The following EMILIN2 variants were observed in gnomAD, a reference collection of about 807,000 sequenced individuals.
EMILIN2 encodes elastin microfibril interfacer 2.
A neutral mutation model predicts 87.1 loss-of-function variants in EMILIN2; 71 were observed. That is an observed-to-expected ratio of 0.82 (90% confidence interval 0.67 to 0.99). The LOEUF is 0.99. Ranked by LOEUF, EMILIN2 falls within the 50% of genes least tolerant of loss-of-function variation. EMILIN2 has a pLI of 0.00. For missense variants in EMILIN2, 1,407 were observed against 1,371.8 expected (o/e 1.03, Z -0.40); for synonymous variants, 581 against 563.4 (o/e 1.03, Z -0.44).
At chr18:2,869,726 C>T (rs76563715) in intron 2 of EMILIN2, among the ~76,000 whole-genome samples, 4,577 of 151,706 alleles carry the variant, frequency 0.03, 209 homozygotes, top group African/African-American at 0.1. Flanking sequence ...TGCCACTGCA[C>T]CTGGCTGTAG....
chr18:2,860,501 C>G (rs1019453944), intron 2 of EMILIN2, among the ~76,000 whole-genome samples: 2 of 152,034 alleles, frequency 1.3e-5, no homozygotes, highest in African/African-American at 4.8e-5. Context: ...GGTTTTTTGT[C>G]CTTGTGATAG....
Position 2,913,879 on chromosome 18 carries a change from G to A in EMILIN2, c.*475G>A, listed in dbSNP as rs887304873. ...GCCCGTGCCGCCGCACAGAGACCCC[G>A]ACTTTAGTTTGGGCTGTTCCACGCT... On this transcript the variant is annotated 3_prime_UTR_variant, in exon 8 of 8. Transcript: ENST00000254528. The A allele has an allele frequency of 1.9e-5, 3 of 158,750 alleles. No individual in the cohort carries two copies. Among genetic ancestry groups the A allele is most frequent in the Admixed American group, 5.9e-5 (1 of 16,848 alleles). 9.8% of individuals were successfully genotyped at this position (158,750 alleles called of 1,614,324 possible). A position where few individuals can be genotyped will look rare whatever the true frequency, so the allele number is the denominator to read the frequency against.
At chr18:2,889,685 T>C (rs1472136894) in intron 3 of EMILIN2, among the ~76,000 whole-genome samples, 12 of 139,300 alleles carry the variant, frequency 8.6e-5, no homozygotes, top group East Asian at 4.0e-4. Context: ...TCTTCTTTTT[T>C]TCTTTTCTTT....
intron 2 of EMILIN2, among the ~76,000 whole-genome samples, chr18:2,874,108 T>C (rs1487058295): frequency 1.6e-5 from 1 of 63,072 alleles, no homozygotes; most frequent in African/African-American, 7.0e-5. Flanking sequence ...GGAGAAAAGC[T>C]CCTCTTTCCT....
At chr18:2,905,953 C>T (rs889144414) in intron 4 of EMILIN2, among the ~76,000 whole-genome samples, 2 of 152,056 alleles carry the variant, frequency 1.3e-5, no homozygotes, top group Admixed American at 6.5e-5. Context: ...CAAAACTAGA[C>T]GGCAGGTCGG....
At position 2,907,080 on chromosome 18, in the gene EMILIN2, C is replaced by G; in HGVS notation, c.2657C>G (p.Ala886Gly). ...CCCGGCGCAGAAGGCTTCGCGGGCGCACCAGGTGAGGCCCGGGGCTGCGCG... is the reference window on the plus strand; with the variant it reads ...CCCGGCGCAGAAGGCTTCGCGGGCGGACCAGGTGAGGCCCGGGGCTGCGCG... The part of the protein sequence containing the change: ...TVPGAEGFAG[A>G]PGYPKSPPVA... Residue 886 changes from alanine to glycine, a missense_variant, in exon 5 of 8, where the codon GCA becomes GGA. Ala to Gly is a moderately conservative substitution (Grantham distance 60). Transcript: ENST00000254528. 1.6e-6 allele frequency: 2 copies of G among 1,252,002 alleles called. No homozygotes were observed. The highest frequency in any genetic ancestry group is 2.0e-6 in the Non-Finnish European group (2 of 1,000,544). 77.6% of individuals were successfully genotyped at this position (1,252,002 alleles called of 1,614,324 possible). A position where few individuals can be genotyped will look rare whatever the true frequency, so the allele number is the denominator to read the frequency against.
chr18:2,848,075 G>A lies in EMILIN2; in HGVS notation c.257+144G>A, dbSNP rs1384334503. 16 of 1,145,192 alleles carry A rather than the reference G, an allele frequency of 1.4e-5. No homozygotes were observed. Among genetic ancestry groups the A allele is most frequent in the Non-Finnish European group, 1.7e-5 (14 of 840,178 alleles). 70.9% of individuals were successfully genotyped at this position (1,145,192 alleles called of 1,614,324 possible). ...AGCCCGCAGCGGAAAAGCGCTCCGAGCGCTCGCGGGGCACCGGCCACGCTG... is the reference window on the plus strand; with the variant it reads ...AGCCCGCAGCGGAAAAGCGCTCCGAACGCTCGCGGGGCACCGGCCACGCTG... On this transcript the variant is annotated intron_variant, in intron 2 of 7. Coordinates refer to ENST00000254528, the MANE Select transcript of EMILIN2 (RefSeq NM_032048.3). This position sits in a 1 kb window ranked among gnomAD's most constrained non-coding sequence, Gnocchi z 4.1.
intron 2 of EMILIN2, among the ~76,000 whole-genome samples, chr18:2,876,442 C>G (rs1055887305): frequency 6.6e-6 from 1 of 152,062 alleles, no homozygotes; most frequent in African/African-American, 2.4e-5. Context: ...TTTGAACACA[C>G]TGCATTGGTC....
Position 2,891,679 on chromosome 18 carries a change from C to G in EMILIN2, c.1552C>G (p.Pro518Ala), listed in dbSNP as rs773977935. The change falls in exon 4 of 8, where the codon CCC (proline) becomes GCC (alanine). Residue 518 changes from proline (P) to alanine (A), a missense_variant. Pro to Ala is a conservative substitution (Grantham distance 27). Coordinates refer to ENST00000254528, the MANE Select transcript of EMILIN2 (RefSeq NM_032048.3). This position sits in a 1 kb window ranked among gnomAD's most constrained non-coding sequence, Gnocchi z 4.6. ...CAATAACACTGGTGCAGAGCTCAGT[C>G]CCCCAGGGGCAGCAGCCCTGCCAGG... ...MTNNTGAELS[P>A]PGAAALPGVS... The G allele has an allele frequency of 6.2e-7, 1 of 1,614,098 alleles. No individual in the cohort carries two copies. Among genetic ancestry groups the G allele is most frequent in the South Asian group, 1.1e-5 (1 of 91,074 alleles).
chr18:2,847,012 A>G lies in EMILIN2; in HGVS notation c.-177A>G. 9.6e-7 allele frequency: 1 copy of G among 1,045,146 alleles called. No homozygotes were observed. 64.7% of individuals were successfully genotyped at this position (1,045,146 alleles called of 1,614,324 possible). The stretch of plus-strand genomic sequence containing the variant: ...GCAGGGCGCACGGGGCTGCAGAAGG[A>G]GAAGTAGGAACGAGAAGCCGGAGGG... On this transcript the variant is annotated 5_prime_UTR_variant, in exon 1 of 8. Coordinates refer to ENST00000254528, the MANE Select transcript of EMILIN2 (RefSeq NM_032048.3). This position sits in a 1 kb window ranked among gnomAD's most constrained non-coding sequence, Gnocchi z 4.5.
In EMILIN2 at chr18:2,891,890, A is replaced by G. The variant is rs1186513192; in HGVS notation, c.1763A>G (p.Asp588Gly). ...CTGCACCTTTTGAAATCTCTCAACG[A>G]CACGATGCACAGGAAGTTTCAAGAA... is the stretch of plus-strand genomic sequence containing the variant. The part of the protein sequence containing the change: ...DSLHLLKSLN[D>G]TMHRKFQETE... Residue 588 changes from aspartate to glycine, a missense_variant, in exon 4 of 8, where the codon GAC (aspartate) becomes GGC (glycine). By Grantham distance (94) the Asp-to-Gly change is moderately conservative. Transcript: ENST00000254528. The surrounding 1 kb of genome is among the most constrained non-coding windows in gnomAD (Gnocchi z 4.6). 4 of 1,614,150 alleles carry G rather than the reference A, an allele frequency of 2.5e-6. No individual in the cohort carries two copies. The highest frequency in any genetic ancestry group is 3.4e-6 in the Non-Finnish European group (4 of 1,180,054).
rs536405014 is a variant in EMILIN2 at position 2,853,924 on chromosome 18, C to A, written c.257+5993C>A. Among the ~76,000 whole-genome samples the A allele has an allele frequency of 2.6e-5, 4 of 152,336 alleles. No homozygotes were observed. The South Asian group carries it at 8.3e-4, about 32-fold the overall frequency. ...GGTAGAAAACAGCACCGTGTTTCTT[C>A]TCTTTATTGGACTGGCGTTGTTTTC... On this transcript the variant is annotated intron_variant, in intron 2 of 7. Coordinates refer to ENST00000254528, the MANE Select transcript of EMILIN2 (RefSeq NM_032048.3).
intron 6 of EMILIN2, 30 bp from the exon 7 acceptor site, chr18:2,909,661 T>C: frequency 6.2e-7 from 1 of 1,611,496 alleles, no homozygotes; most frequent in Non-Finnish European, 8.5e-7. Context: ...AGCACCCGGG[T>C]CAATCCATTC....
intron 7 of EMILIN2, 138 bp downstream of exon 7, chr18:2,909,957 G>A: frequency 2.5e-6 from 3 of 1,198,562 alleles, no homozygotes; most frequent in Non-Finnish European, 3.5e-6. Context: ...GCCCGAGTGG[G>A]CCTGCACTCC....
chr18:2,898,143 C>T (rs769052530), intron 4 of EMILIN2, among the ~76,000 whole-genome samples: 1 of 152,164 alleles, frequency 6.6e-6, no homozygotes, highest in Non-Finnish European at 1.5e-5. Context: ...TCCCAAGTTG[C>T]CCAGCCTTAC....
intron 7 of EMILIN2, among the ~76,000 whole-genome samples, chr18:2,911,004 G>A (rs547348708): frequency 6.0e-4 from 91 of 152,330 alleles, no homozygotes; most frequent in Non-Finnish European, 1.1e-3. Context: ...GGCCTTTGGG[G>A]TCAGTACATC....
rs1009509196 is a variant in EMILIN2 at position 2,880,075 on chromosome 18, G to T, written c.258-4889G>T. Among the ~76,000 whole-genome samples, 2 of 152,142 alleles carry T rather than the reference G, an allele frequency of 1.3e-5. No homozygotes were observed. The highest frequency in any genetic ancestry group is 2.4e-5 in the African/African-American group (1 of 41,430). On this transcript the variant is annotated intron_variant, in intron 2 of 7. Coordinates refer to ENST00000254528, the MANE Select transcript of EMILIN2 (RefSeq NM_032048.3). The surrounding 1 kb of genome is among the most constrained non-coding windows in gnomAD (Gnocchi z 4.1). ...CCAACAGGAATTCTATCCTCATGGG[G>T]CTTACAGTCTGGCAGGGAGGACAAA...
chr18:2,880,946 A>C lies in EMILIN2; in HGVS notation c.258-4018A>C, dbSNP rs2076774203. Among the ~76,000 whole-genome samples the C allele has an allele frequency of 6.6e-6, 1 of 152,150 alleles. No homozygotes were observed. The highest frequency in any genetic ancestry group is 2.4e-5 in the African/African-American group (1 of 41,420). On this transcript the variant is annotated intron_variant, in intron 2 of 7. Transcript: ENST00000254528. This position sits in a 1 kb window ranked among gnomAD's most constrained non-coding sequence, Gnocchi z 4.1. ...ATAATTTTGCTGAAAATTCCTTGGC[A>C]TTTTCTAAAGCTCACTAGCTATTTT...
chr18:2,888,511 G>C (rs922214872), intron 3 of EMILIN2, among the ~76,000 whole-genome samples: 7 of 151,838 alleles, frequency 4.6e-5, no homozygotes, highest in South Asian at 2.1e-4. Flanking sequence ...GTCAGGAGAT[G>C]GAGACCATCC....
Sources: allele counts gnomAD v4.1 joint callset (sites outside exome capture counted in the v4.1 genomes callset), GRCh38; gene constraint gnomAD v4.1.1; non-coding constraint Gnocchi (gnomAD v3.1); transcripts MANE v1.5; gene names NCBI Gene and HGNC (gene_info 2026-07-23, HGNC 2026-07-21).